Variants in TMEM132D observed in about 807,000 individuals in gnomAD.
TMEM132D encodes transmembrane protein 132D.
Under a neutral mutation model 62.3 loss-of-function variants are expected in TMEM132D, and 21 were observed. The ratio of observed to expected loss-of-function variants is 0.34; its 90% confidence interval spans 0.24 to 0.49. The LOEUF (loss-of-function observed/expected upper bound fraction) is 0.49, where lower values mean the gene tolerates loss of function less well. TMEM132D is among the 20% of genes least tolerant of loss of function. The pLI is 0.99. For missense variants in TMEM132D, 1,346 were observed against 1,402.8 expected (o/e 0.96, Z 0.65); for synonymous variants, 621 against 575.6 (o/e 1.08, Z -1.13).
chr12:129,107,924 C>T (rs1364254769), intron 5 of TMEM132D, among the ~76,000 whole-genome samples: 3 of 151,528 alleles, frequency 2.0e-5, no homozygotes, highest in African/African-American at 7.3e-5. Context: ...AACTCATGGA[C>T]TCAAGTGATC....
At chr12:129,390,494 G>C (rs1427327780) in intron 3 of TMEM132D, among the ~76,000 whole-genome samples, 2 of 152,182 alleles carry the variant, frequency 1.3e-5, no homozygotes, top group African/African-American at 4.8e-5. Flanking sequence ...GAATTTGCTA[G>C]AAAGCATATG....
intron 2 of TMEM132D, among the ~76,000 whole-genome samples, chr12:129,697,119 C>T (rs1593124171): frequency 6.6e-6 from 1 of 152,256 alleles, no homozygotes; most frequent in Admixed American, 6.5e-5. Flanking sequence ...GGTGGTCAGT[C>T]GCTATCAACA....
chr12:129,156,693 C>T lies in TMEM132D; in HGVS notation c.1443+52827G>A, dbSNP rs143567164. Among the ~76,000 whole-genome samples the T allele has an allele frequency of 1.2e-3, 178 of 151,922 alleles. 2 individuals are homozygous for T. In the East Asian group the frequency reaches 0.024, roughly 21 times the overall value. ...CCACTCACGAGATAAATAACACTCC[C>T]GAGACAACTATCACACTCCTGTGAT... is the stretch of plus-strand genomic sequence containing the variant. On this transcript the variant is annotated intron_variant, in intron 5 of 8. Coordinates refer to ENST00000422113, the MANE Select transcript of TMEM132D (RefSeq NM_133448.3).
intron 4 of TMEM132D, among the ~76,000 whole-genome samples, chr12:129,308,337 G>A (rs1016633103): frequency 3.9e-5 from 6 of 152,088 alleles, no homozygotes; most frequent in Non-Finnish European, 7.3e-5. Flanking sequence ...GGCATGATAC[G>A]TAAACATCCA....
intron 3 of TMEM132D, among the ~76,000 whole-genome samples, chr12:129,448,303 C>A (rs1873169423): frequency 6.6e-6 from 1 of 152,092 alleles, no homozygotes; most frequent in Admixed American, 6.5e-5. Flanking sequence ...AGTTGTTGTG[C>A]AGATTATTTC....
chr12:129,176,910 C>T (rs137901182), intron 5 of TMEM132D, among the ~76,000 whole-genome samples: 37 of 152,286 alleles, frequency 2.4e-4, no homozygotes, highest in African/African-American at 8.4e-4. Flanking sequence ...ACAAATGCTG[C>T]GATTTGGGAA....
chr12:129,250,284 T>G (rs1056578018), intron 4 of TMEM132D, among the ~76,000 whole-genome samples: 2 of 152,188 alleles, frequency 1.3e-5, no homozygotes, highest in Non-Finnish European at 2.9e-5. Flanking sequence ...GACATCACAA[T>G]GTATGTATCA....
At chr12:129,436,928 A>G (rs1397390881) in intron 3 of TMEM132D, among the ~76,000 whole-genome samples, 3 of 152,218 alleles carry the variant, frequency 2.0e-5, no homozygotes, top group African/African-American at 7.2e-5. Flanking sequence ...TTTAAAAAAT[A>G]GTAAATAATG....
At chr12:129,486,831 C>T (rs1874594184) in intron 3 of TMEM132D, among the ~76,000 whole-genome samples, 1 of 58,710 alleles carries the variant, frequency 1.7e-5, no homozygotes, top group Non-Finnish European at 3.5e-5. Flanking sequence ...CATGGGGGCA[C>T]CTAGCTATGT....
At chr12:129,504,270 A>G (rs1875262322) in intron 3 of TMEM132D, among the ~76,000 whole-genome samples, 1 of 152,230 alleles carries the variant, frequency 6.6e-6, no homozygotes, top group African/African-American at 2.4e-5. Flanking sequence ...CTATCGATTT[A>G]GGGAGGATTC....
chr12:129,256,748 G>T (rs773914745), intron 4 of TMEM132D, among the ~76,000 whole-genome samples: 1 of 152,190 alleles, frequency 6.6e-6, no homozygotes, highest in African/African-American at 2.4e-5. Flanking sequence ...GTAGAGACGG[G>T]GTTTCACTGT....
At chr12:129,466,111 C>T (rs1174025912) in intron 3 of TMEM132D, among the ~76,000 whole-genome samples, 1 of 151,544 alleles carries the variant, frequency 6.6e-6, no homozygotes, top group Non-Finnish European at 1.5e-5. Flanking sequence ...AAGAAGAAGT[C>T]ATCACTATAG....
At position 129,649,833 on chromosome 12, in the gene TMEM132D, T is replaced by A. The variant is rs569636871; in HGVS notation, c.968+49977A>T. 4.6e-4 allele frequency among the ~76,000 whole-genome samples: 70 copies of A among 151,490 alleles called. 1 individual carries two copies. The South Asian group carries it at 0.01, about 22-fold the overall frequency. ...GTGTATGTGTGTATATGTGCGTATG[T>A]GCATGTATTTGTATGTTTGTATATG... is the stretch of plus-strand genomic sequence containing the variant. On this transcript the variant is annotated intron_variant, in intron 2 of 8. Coordinates refer to ENST00000422113, the MANE Select transcript of TMEM132D (RefSeq NM_133448.3).
intron 4 of TMEM132D, among the ~76,000 whole-genome samples, chr12:129,274,393 A>G (rs1420146788): frequency 1.3e-5 from 2 of 152,198 alleles, no homozygotes; most frequent in Non-Finnish European, 1.5e-5. Flanking sequence ...GGCGAGGTAC[A>G]GGTCTTCTCT....
intron 4 of TMEM132D, among the ~76,000 whole-genome samples, chr12:129,268,267 A>G (rs1012560493): frequency 1.3e-5 from 2 of 152,150 alleles, no homozygotes; most frequent in African/African-American, 4.8e-5. Context: ...ATGGGAGAAA[A>G]TTTTTGCAAC....
chr12:129,672,143 G>A (rs149590926), intron 2 of TMEM132D, among the ~76,000 whole-genome samples: 8 of 152,310 alleles, frequency 5.3e-5, no homozygotes, highest in African/African-American at 1.9e-4. Context: ...TGAAAGAGAG[G>A]TTGGTAAGCA....
At chr12:129,696,497 C>G (rs1881211957) in intron 2 of TMEM132D, among the ~76,000 whole-genome samples, 1 of 152,220 alleles carries the variant, frequency 6.6e-6, no homozygotes, top group South Asian at 2.1e-4. Flanking sequence ...CCCCGGCTGA[C>G]TGTTGTGGGC....
chr12:129,303,744 C>T (rs1039007906), intron 4 of TMEM132D, among the ~76,000 whole-genome samples: 2 of 150,018 alleles, frequency 1.3e-5, no homozygotes, highest in African/African-American at 4.9e-5. Flanking sequence ...TGAGAAGTCC[C>T]ATGATCTACC....
intron 4 of TMEM132D, among the ~76,000 whole-genome samples, chr12:129,336,340 G>A (rs1869270198): frequency 6.6e-6 from 1 of 152,128 alleles, no homozygotes; most frequent in South Asian, 2.1e-4. Context: ...TACTTTGGGA[G>A]GCTAAGGTGG....
Sources: allele counts gnomAD v4.1 joint callset (sites outside exome capture counted in the v4.1 genomes callset), GRCh38; gene constraint gnomAD v4.1.1; transcripts MANE v1.5; gene names NCBI Gene and HGNC (gene_info 2026-07-23, HGNC 2026-07-21).